The following DMXL2 variants were observed in gnomAD, a reference collection of about 807,000 sequenced individuals.
DMXL2 encodes dmX-like protein 2.
A neutral mutation model predicts 331.1 loss-of-function variants in DMXL2; 103 were observed. The ratio of observed to expected loss-of-function variants is 0.31; its 90% CI spans 0.27 to 0.37. The LOEUF is 0.37. Ranked by LOEUF, DMXL2 falls within the 10% of genes least tolerant of loss-of-function variation. The pLI is 1.00. For missense variants in DMXL2, 3,171 were observed against 3,642.9 expected (o/e 0.87, Z 3.33); for synonymous variants, 1,281 against 1,252.1 (o/e 1.02, Z -0.49).
intron 41 of DMXL2, among the ~76,000 whole-genome samples, chr15:51,453,090 G>T (rs1288238937): frequency 6.6e-6 from 1 of 152,100 alleles, no homozygotes. Flanking sequence ...GCTTGGGAGG[G>T]GTGGGAGGAG....
chr15:51,619,058 T>A (rs764551314), intron 1 of DMXL2, among the ~76,000 whole-genome samples: 1 of 152,206 alleles, frequency 6.6e-6, no homozygotes, highest in African/African-American at 2.4e-5. Flanking sequence ...TTTCAATTAA[T>A]ATTTTAATAT....
At chr15:51,496,008 G>A (rs978212237) in intron 18 of DMXL2, among the ~76,000 whole-genome samples, 4 of 151,988 alleles carry the variant, frequency 2.6e-5, no homozygotes, top group African/African-American at 4.8e-5. Context: ...AACCTAATAT[G>A]TATCTATTTA....
Position 51,466,332 on chromosome 15 carries a change from AT to A in DMXL2, c.7393-22del, listed in dbSNP as rs1388841598. The A allele has an allele frequency of 9.3e-6, 11 of 1,176,984 alleles. 1 individual carries two copies. The highest frequency in any genetic ancestry group is 1.1e-5 in the Non-Finnish European group (10 of 886,552). The allele number at this position is 1,176,984 out of a possible 1,614,324, so 72.9% of individuals were successfully genotyped here. Reference sequence around the variant, plus strand: ...AATGGCTGCAATAAAAGGTAAAATTATTTTTTTAAAGATTATAATTTCATAA... The same window carrying A: ...AATGGCTGCAATAAAAGGTAAAATTATTTTTTAAAGATTATAATTTCATAA... On this transcript the variant is annotated intron_variant, in intron 29 of 43. Coordinates refer to ENST00000560891, the MANE Select transcript of DMXL2 (RefSeq NM_001378457.1).
chr15:51,493,948 T>C (rs2042981454), intron 19 of DMXL2, among the ~76,000 whole-genome samples: 1 of 152,204 alleles, frequency 6.6e-6, no homozygotes, highest in Admixed American at 6.5e-5. Flanking sequence ...TTTTTGTTGG[T>C]ACGTAGTACG....
intron 41 of DMXL2, among the ~76,000 whole-genome samples, chr15:51,453,088 G>C (rs548855004): frequency 1.3e-5 from 2 of 152,250 alleles, no homozygotes; most frequent in Admixed American, 1.3e-4. Flanking sequence ...GGGCTTGGGA[G>C]GGGTGGGAGG....
At position 51,498,409 on chromosome 15, in the gene DMXL2, A is replaced by C. The variant is rs575407532; in HGVS notation, c.4672+143T>G. On this transcript the variant is annotated intron_variant, in intron 18 of 43. Transcript: ENST00000560891. ...CGTCTTTTCTAACTGAGCATATTATATAATAGTAATTACCTATTAAGGAGG... is the reference window on the plus strand; with the variant it reads ...CGTCTTTTCTAACTGAGCATATTATCTAATAGTAATTACCTATTAAGGAGG... The C allele has an allele frequency of 3.5e-5, 26 of 736,240 alleles. No individual in the cohort carries two copies. The African/African-American group carries it at 4.6e-4, about 13-fold the overall frequency. The allele number at this position is 736,240 out of a possible 1,614,324, so 45.6% of individuals were successfully genotyped here.
chr15:51,510,683 A>G (rs921741957), intron 15 of DMXL2, among the ~76,000 whole-genome samples: 1 of 151,926 alleles, frequency 6.6e-6, no homozygotes, highest in African/African-American at 2.4e-5. Context: ...ACAGAATTAG[A>G]AAAAAACACT....
intron 27 of DMXL2, 118 bp downstream of exon 27, chr15:51,476,471 C>A: frequency 8.3e-7 from 1 of 1,204,382 alleles, no homozygotes; most frequent in Non-Finnish European, 1.2e-6. Context: ...CATCAAAAAA[C>A]AAAGAAAGAA....
intron 23 of DMXL2, among the ~76,000 whole-genome samples, chr15:51,485,062 G>A (rs938524807): frequency 1.4e-5 from 2 of 146,658 alleles, no homozygotes; most frequent in South Asian, 2.1e-4. Flanking sequence ...GGAAGAAGGA[G>A]GAACAGAAAA....
In DMXL2 at chr15:51,517,207, T is replaced by A. The variant is rs2047086068; in HGVS notation, c.2437-40A>T. ...CACAAAATGTTAATGGCCAACAAAT[T>A]ATAATCTAATGTCAATATGATACAG... On this transcript the variant is annotated intron_variant, in intron 13 of 43. Transcript: ENST00000560891. 4 of 1,428,000 alleles carry A rather than the reference T, an allele frequency of 2.8e-6. No individual in the cohort carries two copies. The African/African-American group carries it at 4.2e-5, about 15-fold the overall frequency. 88.5% of individuals were successfully genotyped at this position (1,428,000 alleles called of 1,614,324 possible). A position where few individuals can be genotyped will look rare whatever the true frequency, so the allele number is the denominator to read the frequency against.
At position 51,622,427 on chromosome 15, in the gene DMXL2, A is replaced by G. The variant is rs577897712; in HGVS notation, c.87+32T>C. 11 of 1,551,380 alleles carry G rather than the reference A, an allele frequency of 7.1e-6. No homozygotes were observed. The African/African-American group carries it at 1.4e-4, about 19-fold the overall frequency. ...CCTGCCCCCGCGTCTGGCCCCTGGT[A>G]TCTTCCCCTAGGGCTCCCGGCCGCC... On this transcript the variant is annotated intron_variant, in intron 1 of 43. Coordinates refer to ENST00000560891, the MANE Select transcript of DMXL2 (RefSeq NM_001378457.1).
In DMXL2 at chr15:51,537,547, G is replaced by C; in HGVS notation, c.1558C>G (p.Leu520Val). ...TCCAAATACTTCACATGCCACACTAGAAAGGTACCATCTACAGGGTGTATT... is the reference window on the plus strand; with the variant it reads ...TCCAAATACTTCACATGCCACACTACAAAGGTACCATCTACAGGGTGTATT... ...FTIHPVDGTF[L>V]VWHVKYLDEY... Residue 520 changes from leucine (L) to valine (V), a missense_variant, in exon 11 of 44, where the codon CTA becomes GTA. Around this residue, in one of 7 missense-constraint regions of DMXL2, gnomAD observed 1,674 missense variants for 1,780.2 expected, o/e 0.94. Transcript: ENST00000560891. 1.2e-6 allele frequency: 2 copies of C among 1,613,666 alleles called. No individual in the cohort carries two copies. Among genetic ancestry groups the C allele is most frequent in the Non-Finnish European group, 1.7e-6 (2 of 1,179,826 alleles).
intron 7 of DMXL2, 48 bp from the exon 8 acceptor site, chr15:51,545,814 A>G: frequency 6.7e-7 from 1 of 1,501,480 alleles, no homozygotes; most frequent in Non-Finnish European, 9.0e-7. Flanking sequence ...TATCAATCCC[A>G]TTAACTAATT....
chr15:51,566,646 T>C (rs1254633888), intron 3 of DMXL2, among the ~76,000 whole-genome samples: 1 of 152,196 alleles, frequency 6.6e-6, no homozygotes, highest in Non-Finnish European at 1.5e-5. Flanking sequence ...TTTTAATTTA[T>C]ACTGTTTTGG....
chr15:51,581,073 C>T (rs2051379497), intron 1 of DMXL2, among the ~76,000 whole-genome samples: 2 of 152,092 alleles, frequency 1.3e-5, no homozygotes, highest in African/African-American at 4.8e-5. Context: ...GAGCAGGGGT[C>T]CCCAATTCCT....
At chr15:51,598,273 A>G (rs767680914) in intron 1 of DMXL2, among the ~76,000 whole-genome samples, 3 of 152,204 alleles carry the variant, frequency 2.0e-5, no homozygotes, top group Non-Finnish European at 4.4e-5. Flanking sequence ...CCAAATGTTA[A>G]TATTTTACAT....
chr15:51,513,286 T>C (rs530786787), intron 15 of DMXL2, among the ~76,000 whole-genome samples: 1 of 152,282 alleles, frequency 6.6e-6, no homozygotes, highest in African/African-American at 2.4e-5. Context: ...TTAGAAATAA[T>C]GTGATAAATG....
chr15:51,537,026 A>G (rs2048327185), intron 11 of DMXL2, among the ~76,000 whole-genome samples, 164 bp from the exon 12 acceptor site: 1 of 152,114 alleles, frequency 6.6e-6, no homozygotes, highest in African/African-American at 2.4e-5. Flanking sequence ...CCATATCTCT[A>G]TTCATGGCCT....
At chr15:51,466,606 A>C (rs1210630383) in intron 29 of DMXL2, 1 of 152,354 alleles carries the variant, frequency 6.6e-6, no homozygotes, top group Non-Finnish European at 1.5e-5. Flanking sequence ...CTTATAGATC[A>C]GCAATAAATA....
Sources: allele counts gnomAD v4.1 joint callset (sites outside exome capture counted in the v4.1 genomes callset), GRCh38; gene constraint gnomAD v4.1.1; regional missense constraint gnomAD v4.1.1; transcripts MANE v1.5; gene names NCBI Gene and HGNC (gene_info 2026-07-23, HGNC 2026-07-21).